The following TMEM40 variants were observed in gnomAD, a reference collection of about 807,000 sequenced individuals.
TMEM40 encodes transmembrane protein 40.
Under a neutral mutation model 40.8 loss-of-function variants are expected in TMEM40, and 34 were observed. The ratio of observed to expected loss-of-function variants is 0.83; its 90% CI spans 0.63 to 1.11. The LOEUF (loss-of-function observed/expected upper bound fraction) is 1.11. Among genes scored for constraint, TMEM40 ranks in the 50% least tolerant of loss-of-function variants. TMEM40 has a pLI of 0.00. For missense variants in TMEM40, 296 were observed against 280.2 expected, an observed-to-expected ratio of 1.06 and a Z score of -0.40; for synonymous variants, 106 against 107.0, an observed-to-expected ratio of 0.99 and a Z score of 0.06.
At chr3:12,738,434 G>C in intron 6 of TMEM40, 119 bp downstream of exon 6, 2 of 1,197,134 alleles carry the variant, frequency 1.7e-6, no homozygotes, top group South Asian at 1.2e-5. Flanking sequence ...TGGACCTGGG[G>C]CTCCTGTTTC....
rs1334877087 is a variant in TMEM40 at position 12,734,077 on chromosome 3, G to A, written c.*697C>T. Reference sequence around the variant, plus strand: ...GTACAGGTATGTACCGCCACATTTGGTCATTAAAAAAAAATTGTAGAGATG... The same window carrying A: ...GTACAGGTATGTACCGCCACATTTGATCATTAAAAAAAAATTGTAGAGATG... On this transcript the variant is annotated 3_prime_UTR_variant, in exon 12 of 12. Coordinates refer to ENST00000314124, the MANE Select transcript of TMEM40 (RefSeq NM_018306.4). 1 of 151,342 alleles carries A rather than the reference G, an allele frequency of 6.6e-6. No individual in the cohort carries two copies. The highest frequency in any genetic ancestry group is 1.5e-5 in the Non-Finnish European group (1 of 67,952). 9.4% of individuals were successfully genotyped at this position (151,342 alleles called of 1,614,324 possible). A position where few individuals can be genotyped will look rare whatever the true frequency, so the allele number is the denominator to read the frequency against.
intron 1 of TMEM40, among the ~76,000 whole-genome samples, chr3:12,768,628 C>CT (rs57605689): frequency 1 from 152,098 of 152,108 alleles, 76,044 homozygotes; most frequent in Middle Eastern, 1. Context: ...GTTTACAAAC[C>CT]TGAGCTAGAT....
chr3:12,752,762 G>A (rs563120906), intron 1 of TMEM40, among the ~76,000 whole-genome samples: 223 of 151,440 alleles, frequency 1.5e-3, no homozygotes, highest in African/African-American at 5.1e-3. Flanking sequence ...GAGATCGCGC[G>A]ACTGCACTCC....
At chr3:12,758,092 G>A (rs1039150967) in intron 1 of TMEM40, among the ~76,000 whole-genome samples, 1 of 151,078 alleles carries the variant, frequency 6.6e-6, no homozygotes, top group Admixed American at 6.6e-5. Context: ...AAGAAAGAAA[G>A]AAAAAGGAAA....
At chr3:12,741,961 G>T (rs1451504961) in intron 5 of TMEM40, among the ~76,000 whole-genome samples, 1 of 152,164 alleles carries the variant, frequency 6.6e-6, no homozygotes, top group African/African-American at 2.4e-5. Context: ...GCCGGGCGCG[G>T]TGGCTCACGC....
intron 3 of TMEM40, among the ~76,000 whole-genome samples, chr3:12,745,454 T>C (rs1293193048): frequency 6.6e-6 from 1 of 151,028 alleles, no homozygotes; most frequent in Admixed American, 6.6e-5. Flanking sequence ...ATATTCATAA[T>C]ACAATTTTTT....
At chr3:12,735,453 T>C in intron 11 of TMEM40, 102 bp downstream of exon 11, 1 of 1,235,862 alleles carries the variant, frequency 8.1e-7, no homozygotes, top group Non-Finnish European at 1.2e-6. Flanking sequence ...ACCTGGGTCC[T>C]CTGCCTCCAG....
At chr3:12,751,917 C>G (rs750811672) in intron 1 of TMEM40, among the ~76,000 whole-genome samples, 16 of 152,174 alleles carry the variant, frequency 1.1e-4, no homozygotes, top group Non-Finnish European at 2.2e-4. Flanking sequence ...TGCTCTGTGT[C>G]CTGGTCACAC....
At chr3:12,743,759 T>A in intron 4 of TMEM40, 141 bp downstream of exon 4, 1 of 733,536 alleles carries the variant, frequency 1.4e-6, no homozygotes, top group Non-Finnish European at 2.2e-6. Context: ...TAGCATCCTT[T>A]ATCTATTCTG....
chr3:12,739,443 C>A (rs1389113911), intron 5 of TMEM40, among the ~76,000 whole-genome samples: 1 of 151,986 alleles, frequency 6.6e-6, no homozygotes, highest in African/African-American at 2.4e-5. Context: ...CGCCACCACG[C>A]CTGGCTAATT....
chr3:12,748,080 C>T (rs968751223), intron 3 of TMEM40, among the ~76,000 whole-genome samples: 1 of 152,062 alleles, frequency 6.6e-6, no homozygotes, highest in Non-Finnish European at 1.5e-5. Flanking sequence ...AGGGGAAGAC[C>T]ATAACACAAC....
At chr3:12,747,318 C>A (rs1291277470) in intron 3 of TMEM40, among the ~76,000 whole-genome samples, 1 of 152,056 alleles carries the variant, frequency 6.6e-6, no homozygotes, top group Non-Finnish European at 1.5e-5. Flanking sequence ...CCACAAAGAC[C>A]TCCGGGGAAT....
intron 3 of TMEM40, among the ~76,000 whole-genome samples, chr3:12,747,910 C>CAAA (rs747586371): frequency 0.027 from 751 of 27,546 alleles, 104 homozygotes; most frequent in African/African-American, 0.074. Flanking sequence ...GATTCTGTCT[C>CAAA]AAAAAAAAAA....
chr3:12,738,655 G>C (rs1486007373), intron 5 of TMEM40, 67 bp from the exon 6 acceptor site: 1 of 1,549,904 alleles, frequency 6.5e-7, no homozygotes, highest in East Asian at 2.2e-5. Context: ...TCATGCTTCA[G>C]GGAAGGTGGA....
chr3:12,748,786 T>G lies in TMEM40; in HGVS notation c.80A>C (p.Glu27Ala). 4 of 1,613,958 alleles carry G rather than the reference T, an allele frequency of 2.5e-6. No individual in the cohort carries two copies. The highest frequency in any genetic ancestry group is 3.4e-6 in the Non-Finnish European group (4 of 1,179,964). ...HRETEDVDYG[E>A]TDFHKQDGKA... is the part of the protein sequence containing the mutation. ...CCCATCTTGCTTGTGGAAATCTGTC[T>G]CTCCATCTACAAGGCACACAGAGGC... The change falls in exon 3 of 12, where the codon GAG becomes GCG. Residue 27 changes from glutamate to alanine, a missense_variant. Physicochemically the swap from Glu to Ala is moderately radical, Grantham distance 107. Transcript: ENST00000314124.
intron 3 of TMEM40, among the ~76,000 whole-genome samples, chr3:12,746,150 G>A (rs549728570): frequency 9.9e-5 from 15 of 151,904 alleles, no homozygotes; most frequent in Non-Finnish European, 1.8e-4. Context: ...TGCCCGCCTC[G>A]GCCTCCCAAA....
At chr3:12,766,520 A>G (rs2061595241) in intron 1 of TMEM40, among the ~76,000 whole-genome samples, 1 of 151,336 alleles carries the variant, frequency 6.6e-6, no homozygotes, top group African/African-American at 2.4e-5. Context: ...GCATGAACCC[A>G]GGAGGTGGAG....
Position 12,743,905 on chromosome 3 carries a change from GAGCC to G in TMEM40, c.292_295del (p.Gly98HisfsTer12), listed in dbSNP as rs2061402457. 1 of 1,613,318 alleles carries G rather than the reference GAGCC, an allele frequency of 6.2e-7. No homozygotes were observed. The highest frequency in any genetic ancestry group is 8.5e-7 in the Non-Finnish European group (1 of 1,179,684). On this transcript the variant is annotated frameshift_variant, in exon 4 of 12. Transcript: ENST00000314124. LOFTEE classifies it high-confidence loss of function. ...TGGTAAGGCCTATTTCCTACCGGGT[GAGCC>G]GTTCCCGTGGGGGTATCCAGCCCCC...
At chr3:12,769,320 C>T (rs1486253421) in exon 1 of TMEM40, 7 of 337,952 alleles carry the variant, frequency 2.1e-5, no homozygotes, top group Non-Finnish European at 3.2e-5. Context: ...AGTGCAGCAG[C>T]GGGCTGAAGG....
Sources: allele counts gnomAD v4.1 joint callset (sites outside exome capture counted in the v4.1 genomes callset), GRCh38; gene constraint gnomAD v4.1.1; transcripts MANE v1.5; gene names NCBI Gene and HGNC (gene_info 2026-07-23, HGNC 2026-07-21).